Variants in TENM4 observed in about 807,000 individuals in gnomAD.
TENM4 encodes teneurin transmembrane protein 4.
A neutral mutation model predicts 243.3 loss-of-function variants in TENM4; 82 were observed. The observed-to-expected ratio is 0.34, with a 90% CI of 0.28 to 0.40. TENM4 has a LOEUF of 0.40. Among genes scored for constraint, TENM4 ranks in the 10% least tolerant of loss-of-function variants. The pLI is 1.00. For missense variants in TENM4, 3,138 were observed against 3,673.3 expected (o/e 0.85, Z 3.77); for synonymous variants, 1,412 against 1,456.3 (o/e 0.97, Z 0.69).
chr11:79,314,445 T>C (rs1317898340), intron 1 of TENM4, among the ~76,000 whole-genome samples: 1 of 152,178 alleles, frequency 6.6e-6, no homozygotes, highest in Non-Finnish European at 1.5e-5. Flanking sequence ...TGACCGGAAG[T>C]TGGGGCCGGG....
At chr11:79,390,985 G>T (rs748512887) in intron 1 of TENM4, among the ~76,000 whole-genome samples, 2 of 152,166 alleles carry the variant, frequency 1.3e-5, no homozygotes, top group Non-Finnish European at 2.9e-5. Flanking sequence ...ACTCTTGTTT[G>T]CTTGAGCCTG....
intron 3 of TENM4, among the ~76,000 whole-genome samples, chr11:79,174,735 C>A (rs565204985): frequency 4.1e-4 from 63 of 152,208 alleles, no homozygotes; most frequent in Middle Eastern, 3.2e-3. Flanking sequence ...GAAGGCACGA[C>A]TCCTTTGGGC....
chr11:79,102,175 G>A (rs774170329), intron 4 of TENM4, among the ~76,000 whole-genome samples: 4 of 152,214 alleles, frequency 2.6e-5, no homozygotes, highest in Admixed American at 1.3e-4. Context: ...AGGAGGAAGC[G>A]TCCGTCAAGT....
At chr11:79,437,578 C>A (rs1859300938) in intron 1 of TENM4, among the ~76,000 whole-genome samples, 1 of 152,198 alleles carries the variant, frequency 6.6e-6, no homozygotes, top group Non-Finnish European at 1.5e-5. Flanking sequence ...CCAAAGTTGG[C>A]GGCGTCCCGC....
chr11:79,192,745 T>TA (rs974778328), intron 3 of TENM4, among the ~76,000 whole-genome samples: 31 of 138,310 alleles, frequency 2.2e-4, no homozygotes, highest in African/African-American at 3.0e-4. Context: ...GAATGATCAA[T>TA]AAAAAAAAAA....
At chr11:79,062,397 C>A (rs1353933002) in intron 6 of TENM4, among the ~76,000 whole-genome samples, 3 of 152,066 alleles carry the variant, frequency 2.0e-5, no homozygotes, top group Non-Finnish European at 4.4e-5. Context: ...CAGCTAGACC[C>A]AAAAAGCGTT....
At chr11:78,761,321 G>A (rs1034708738) in intron 18 of TENM4, among the ~76,000 whole-genome samples, 1 of 151,624 alleles carries the variant, frequency 6.6e-6, no homozygotes, top group Non-Finnish European at 1.5e-5. Flanking sequence ...CTCACTGCAA[G>A]CTCCGCCTCC....
chr11:79,055,071 G>A (rs1397981103), intron 6 of TENM4, among the ~76,000 whole-genome samples: 4 of 149,450 alleles, frequency 2.7e-5, no homozygotes, highest in Admixed American at 2.7e-4. Flanking sequence ...AGGTTGCAGT[G>A]AGCCAAGATC....
chr11:79,323,947 C>T (rs1856933150), intron 1 of TENM4, among the ~76,000 whole-genome samples: 1 of 151,862 alleles, frequency 6.6e-6, no homozygotes, highest in Non-Finnish European at 1.5e-5. Context: ...ATACATAAAG[C>T]TACATATACA....
chr11:78,748,313 T>C (rs1165273311), intron 19 of TENM4, among the ~76,000 whole-genome samples: 3 of 152,142 alleles, frequency 2.0e-5, no homozygotes, highest in Non-Finnish European at 2.9e-5. Context: ...TTTCATAGTG[T>C]AGAGGAGGGA....
intron 12 of TENM4, among the ~76,000 whole-genome samples, chr11:78,815,902 C>G (rs77417640): frequency 0.028 from 4,324 of 152,318 alleles, 190 homozygotes; most frequent in African/African-American, 0.099. Context: ...CCTTCGGGCT[C>G]CACGCCTGGC....
At chr11:79,019,366 G>A (rs939612112) in intron 6 of TENM4, among the ~76,000 whole-genome samples, 7 of 152,108 alleles carry the variant, frequency 4.6e-5, no homozygotes, top group African/African-American at 1.7e-4. Context: ...AGGAAAAATG[G>A]CTACAGTGGA....
intron 6 of TENM4, among the ~76,000 whole-genome samples, chr11:78,950,759 C>T (rs1264317117): frequency 1.3e-5 from 2 of 152,084 alleles, no homozygotes; most frequent in African/African-American, 4.8e-5. Flanking sequence ...TAATATTATC[C>T]CTGTTTTACA....
At chr11:79,302,726 C>T (rs1856569329) in intron 1 of TENM4, among the ~76,000 whole-genome samples, 1 of 152,160 alleles carries the variant, frequency 6.6e-6, no homozygotes, top group African/African-American at 2.4e-5. Flanking sequence ...ATTTAGTTCA[C>T]CGAATTAACT....
chr11:79,318,667 T>C (rs558762785), intron 1 of TENM4, among the ~76,000 whole-genome samples: 15 of 152,208 alleles, frequency 9.9e-5, no homozygotes, highest in African/African-American at 3.6e-4. Context: ...ACCTCTGGGG[T>C]AGAGTATAAT....
intron 1 of TENM4, among the ~76,000 whole-genome samples, chr11:79,386,150 T>G (rs1427798027): frequency 2.6e-5 from 4 of 152,214 alleles, no homozygotes; most frequent in African/African-American, 7.2e-5. Flanking sequence ...AAGGTGACCC[T>G]GTGGTACCGT....
In TENM4 at chr11:79,215,796, A is replaced by C; in HGVS notation, c.-163+12T>G. 2 of 985,870 alleles carry C rather than the reference A, an allele frequency of 2.0e-6. No homozygotes were observed. The highest frequency in any genetic ancestry group is 2.4e-6 in the Non-Finnish European group (2 of 829,968). 61.1% of individuals were successfully genotyped at this position (985,870 alleles called of 1,614,324 possible). On this transcript the variant is annotated intron_variant, in intron 3 of 33. Transcript: ENST00000278550. ...CTAATGACAGAAAATCAGAGCAGAC[A>C]AGGGGACTGACCTGGCTCCATGTCA...
At chr11:78,976,933 T>C (rs1297591089) in intron 6 of TENM4, among the ~76,000 whole-genome samples, 1 of 152,222 alleles carries the variant, frequency 6.6e-6, no homozygotes, top group Non-Finnish European at 1.5e-5. Context: ...CTTTCCAACA[T>C]AGCTCCGTAA....
chr11:79,284,450 A>G (rs1457632431), intron 2 of TENM4, among the ~76,000 whole-genome samples: 1 of 152,240 alleles, frequency 6.6e-6, no homozygotes, highest in Non-Finnish European at 1.5e-5. Context: ...AGACAATTCA[A>G]TAAGAAAGTC....
Sources: gnomAD v4.1 joint callset for allele counts (sites outside exome capture counted in the v4.1 genomes callset) on GRCh38, gnomAD v4.1.1 for gene constraint, MANE v1.5 for transcripts, NCBI Gene and HGNC (gene_info 2026-07-23, HGNC 2026-07-21) for gene names.